Variants in ANKRD40 observed in about 807,000 individuals in gnomAD.
ANKRD40 encodes ankyrin repeat domain-containing protein 40.
Under a neutral mutation model 35.5 loss-of-function variants are expected in ANKRD40, and 24 were observed. That is an observed-to-expected ratio of 0.68 (90% CI 0.49 to 0.95). The LOEUF is 0.95. Among genes scored for constraint, ANKRD40 ranks in the 40% least tolerant of loss-of-function variants. The pLI, the probability that ANKRD40 is intolerant of heterozygous loss-of-function variation, is 0.00. For missense variants in ANKRD40, 361 were observed against 436.0 expected, an observed-to-expected ratio of 0.83 and a Z score of 1.53; for synonymous variants, 147 against 173.5, an observed-to-expected ratio of 0.85 and a Z score of 1.20.
Position 50,707,690 on chromosome 17 carries a change from TGCCCCGCCCC to T in ANKRD40, c.-46_-37del. ...CCCCAGGCCCCCGCCCAGGCCCGCC[TGCCCCGCCCC>T]GCCCGGGGCCTGTCAGCGCCGCCGC... On this transcript the variant is annotated 5_prime_UTR_variant, in exon 1 of 5. Coordinates refer to ENST00000285243, the MANE Select transcript of ANKRD40 (RefSeq NM_052855.4). This position sits in a 1 kb window ranked among gnomAD's most constrained non-coding sequence, Gnocchi z 4.8. 7.5e-7 allele frequency: 1 copy of T among 1,338,544 alleles called. No individual in the cohort carries two copies. The highest frequency in any genetic ancestry group is 1.9e-5 in the South Asian group (1 of 52,552). 82.9% of individuals were successfully genotyped at this position (1,338,544 alleles called of 1,614,324 possible).
chr17:50,700,445 GAAA>G (rs879249092), intron 2 of ANKRD40, 120 bp downstream of exon 2: 879 of 795,450 alleles, frequency 1.1e-3, no homozygotes, highest in East Asian at 2.6e-3. Context: ...CTCCGTCTCG[GAAA>G]AAAAAAAAAA....
chr17:50,694,370 C>T lies in ANKRD40; in HGVS notation c.*1627G>A, dbSNP rs1032332779. 1.3e-5 allele frequency: 2 copies of T among 152,174 alleles called. No individual in the cohort carries two copies. Among genetic ancestry groups the T allele is most frequent in the Non-Finnish European group, 2.9e-5 (2 of 68,036 alleles). The allele number at this position is 152,174 out of a possible 1,614,324, so 9.4% of individuals were successfully genotyped here. ...GCAGCAGGAGGCCATTATCTTAGCA[C>T]AACATTCTCTTCTGTTGACATCTTC... is the stretch of plus-strand genomic sequence containing the variant. On this transcript the variant is annotated 3_prime_UTR_variant, in exon 5 of 5. Coordinates refer to ENST00000285243, the MANE Select transcript of ANKRD40 (RefSeq NM_052855.4).
Position 50,707,704 on chromosome 17 carries a change from C to T in ANKRD40, c.-50G>A, listed in dbSNP as rs1440377375. The stretch of plus-strand genomic sequence containing the variant: ...CCAGGCCCGCCTGCCCCGCCCCGCC[C>T]GGGGCCTGTCAGCGCCGCCGCCGTC... On this transcript the variant is annotated 5_prime_UTR_variant, in exon 1 of 5. Transcript: ENST00000285243. This position sits in a 1 kb window ranked among gnomAD's most constrained non-coding sequence, Gnocchi z 4.8. The T allele has an allele frequency of 3.7e-5, 47 of 1,253,722 alleles. No homozygotes were observed. The highest frequency in any genetic ancestry group is 4.4e-5 in the Non-Finnish European group (44 of 998,124). 77.7% of individuals were successfully genotyped at this position (1,253,722 alleles called of 1,614,324 possible).
intron 1 of ANKRD40, among the ~76,000 whole-genome samples, chr17:50,706,250 TA>T: frequency 6.6e-6 from 1 of 151,868 alleles, no homozygotes; most frequent in East Asian, 1.9e-4. Context: ...GCCTCCCAAG[TA>T]GCTGAGACTA....
At chr17:50,696,329 C>T (rs905493952) in intron 4 of ANKRD40, among the ~76,000 whole-genome samples, 186 bp from the exon 5 acceptor site, 2 of 152,074 alleles carry the variant, frequency 1.3e-5, no homozygotes, top group Non-Finnish European at 2.9e-5. Flanking sequence ...AAGTGGAAGT[C>T]CTTAAAAACA....
Position 50,707,277 on chromosome 17 carries a change from G to T in ANKRD40, c.134+244C>A, listed in dbSNP as rs917551255. Reference sequence around the variant, plus strand: ...CGGGAGCGCGGGGGAAGGGGGTAGGGCACCAGAGTCCCAGTGGGCGCTGCC... The same window carrying T: ...CGGGAGCGCGGGGGAAGGGGGTAGGTCACCAGAGTCCCAGTGGGCGCTGCC... On this transcript the variant is annotated intron_variant, in intron 1 of 4. Transcript: ENST00000285243. This position sits in a 1 kb window ranked among gnomAD's most constrained non-coding sequence, Gnocchi z 4.8. Among the ~76,000 whole-genome samples the T allele has an allele frequency of 4.6e-5, 7 of 152,132 alleles. No homozygotes were observed. The highest frequency in any genetic ancestry group is 7.4e-5 in the Non-Finnish European group (5 of 68,010).
chr17:50,707,275 G>C lies in ANKRD40; in HGVS notation c.134+246C>G, dbSNP rs1395426276. 6.6e-6 allele frequency among the ~76,000 whole-genome samples: 1 copy of C among 152,140 alleles called. No homozygotes were observed. The highest frequency in any genetic ancestry group is 1.5e-5 in the Non-Finnish European group (1 of 68,014). ...GCCGGGAGCGCGGGGGAAGGGGGTAGGGCACCAGAGTCCCAGTGGGCGCTG... is the reference window on the plus strand; with the variant it reads ...GCCGGGAGCGCGGGGGAAGGGGGTACGGCACCAGAGTCCCAGTGGGCGCTG... On this transcript the variant is annotated intron_variant, in intron 1 of 4. Coordinates refer to ENST00000285243, the MANE Select transcript of ANKRD40 (RefSeq NM_052855.4). The surrounding 1 kb of genome is among the most constrained non-coding windows in gnomAD (Gnocchi z 4.8).
intron 1 of ANKRD40, among the ~76,000 whole-genome samples, chr17:50,701,409 A>C (rs534146830): frequency 6.6e-6 from 1 of 152,358 alleles, no homozygotes; most frequent in African/African-American, 2.4e-5. Flanking sequence ...AATATACATC[A>C]ACAACCAAAA....
At chr17:50,705,509 T>G (rs1468034602) in intron 1 of ANKRD40, among the ~76,000 whole-genome samples, 2 of 151,888 alleles carry the variant, frequency 1.3e-5, no homozygotes, top group Non-Finnish European at 2.9e-5. Context: ...TTAGGGAAAT[T>G]AGGTAGAAAA....
chr17:50,707,732 C>T lies in ANKRD40; in HGVS notation c.-78G>A. On this transcript the variant is annotated 5_prime_UTR_variant, in exon 1 of 5. Coordinates refer to ENST00000285243, the MANE Select transcript of ANKRD40 (RefSeq NM_052855.4). The surrounding 1 kb of genome is among the most constrained non-coding windows in gnomAD (Gnocchi z 4.8). ...GGCCTGTCAGCGCCGCCGCCGTCGC[C>T]GCGGCCCGCTCCCGGCCATGGGGAG... is the stretch of plus-strand genomic sequence containing the variant. 9.1e-7 allele frequency: 1 copy of T among 1,097,000 alleles called. No homozygotes were observed. The highest frequency in any genetic ancestry group is 1.1e-6 in the Non-Finnish European group (1 of 886,358). 68.0% of individuals were successfully genotyped at this position (1,097,000 alleles called of 1,614,324 possible). A position where few individuals can be genotyped will look rare whatever the true frequency, so the allele number is the denominator to read the frequency against.
At chr17:50,702,234 A>G (rs1395520602) in intron 1 of ANKRD40, among the ~76,000 whole-genome samples, 1 of 152,114 alleles carries the variant, frequency 6.6e-6, no homozygotes, top group Non-Finnish European at 1.5e-5. Context: ...GTGAAACCCC[A>G]TCTCTACTAA....
intron 3 of ANKRD40, 33 bp downstream of exon 3, chr17:50,699,366 T>C (rs1444711630): frequency 1.5e-5 from 24 of 1,591,526 alleles, no homozygotes; most frequent in African/African-American, 5.4e-5. Flanking sequence ...CCAACTCCCC[T>C]GTTGCAGAGG....
In ANKRD40 at chr17:50,695,979, AT is replaced by A; in HGVS notation, c.*17del. On this transcript the variant is annotated 3_prime_UTR_variant, in exon 5 of 5. Transcript: ENST00000285243. Reference sequence around the variant, plus strand: ...ATGCACACTGTCATAATACTCAGTGATAAAAGTCCCTGCTGCATTAGTAAGT... The same window carrying A: ...ATGCACACTGTCATAATACTCAGTGAAAAAGTCCCTGCTGCATTAGTAAGT... 6.2e-7 allele frequency: 1 copy of A among 1,613,618 alleles called. No homozygotes were observed. Among genetic ancestry groups the A allele is most frequent in the Non-Finnish European group, 8.5e-7 (1 of 1,179,690 alleles).
chr17:50,694,131 A>AAAAAAAAAAAAAG lies in ANKRD40; in HGVS notation c.*1865_*1866insCTTTTTTTTTTTT, dbSNP rs1422436460. 3 of 150,148 alleles carry AAAAAAAAAAAAAG rather than the reference A, an allele frequency of 2.0e-5. 1 individual carries two copies. Among genetic ancestry groups the AAAAAAAAAAAAAG allele is most frequent in the Non-Finnish European group, 3.0e-5 (2 of 67,514 alleles). 9.3% of individuals were successfully genotyped at this position (150,148 alleles called of 1,614,324 possible). On this transcript the variant is annotated 3_prime_UTR_variant, in exon 5 of 5. Transcript: ENST00000285243. ...GGCAACAAAGCAAGACTCCGTCTCA[A>AAAAAAAAAAAAAG]AAAAAAAAAGAAAAGAAACACCAGG...
rs554650572 is a variant in ANKRD40 at position 50,696,217 on chromosome 17, C to A, written c.961-74G>T. ...TATGTTTGGTGCACTCTATTGATAC[C>A]AGTATCTTGTCTTATTTCAAAACCT... On this transcript the variant is annotated intron_variant, in intron 4 of 4. Coordinates refer to ENST00000285243, the MANE Select transcript of ANKRD40 (RefSeq NM_052855.4). 2.5e-4 allele frequency: 362 copies of A among 1,460,960 alleles called. No homozygotes were observed. The African/African-American group carries it at 4.7e-3, about 19-fold the overall frequency. The allele number at this position is 1,460,960 out of a possible 1,614,324, so 90.5% of individuals were successfully genotyped here.
chr17:50,702,187 T>C (rs1567844177), intron 1 of ANKRD40, among the ~76,000 whole-genome samples: 1 of 152,088 alleles, frequency 6.6e-6, no homozygotes, highest in Non-Finnish European at 1.5e-5. Flanking sequence ...GGTGGATCAC[T>C]TTAGGTCGGG....
chr17:50,696,753 T>C (rs1178133925), intron 4 of ANKRD40, 187 bp downstream of exon 4: 1 of 359,526 alleles, frequency 2.8e-6, no homozygotes, highest in African/African-American at 6.1e-5. Flanking sequence ...TCACTTGACT[T>C]GCCAAAAAAA....
intron 1 of ANKRD40, among the ~76,000 whole-genome samples, chr17:50,704,515 CAAA>C (rs892783050): frequency 5.0e-5 from 2 of 40,198 alleles, no homozygotes; most frequent in Non-Finnish European, 1.1e-4. Flanking sequence ...AACTCCATCT[CAAA>C]AAAAAAAAAA....
rs145123651 is a variant in ANKRD40 at position 50,700,507 on chromosome 17, T to C, written c.283+61A>G. 4.3e-4 allele frequency: 608 copies of C among 1,420,424 alleles called. 1 individual carries two copies. In the African/African-American group the frequency reaches 8.0e-3, roughly 19 times the overall value. The allele number at this position is 1,420,424 out of a possible 1,614,324, so 88.0% of individuals were successfully genotyped here. A position where few individuals can be genotyped will look rare whatever the true frequency, so the allele number is the denominator to read the frequency against. ...TGACCAGCATTAAGAACGTAGCCAA[T>C]AATACCACAAGTCTTCAATGAGTCT... On this transcript the variant is annotated intron_variant, in intron 2 of 4. Transcript: ENST00000285243.
Sources: gnomAD v4.1 joint callset for allele counts (sites outside exome capture counted in the v4.1 genomes callset) on GRCh38, gnomAD v4.1.1 for gene constraint, Gnocchi (gnomAD v3.1) non-coding constraint, MANE v1.5 for transcripts, NCBI Gene and HGNC (gene_info 2026-07-23, HGNC 2026-07-21) for gene names.